The following MAX variants were observed in gnomAD, a reference collection of about 807,000 sequenced individuals.
The protein encoded by MAX is protein max.
MAX carries 3 observed loss-of-function variants against 22.3 expected under a neutral mutation model. The observed-to-expected ratio is 0.13, with a 90% CI of 0.06 to 0.35. MAX has a LOEUF of 0.35. Among genes scored for constraint, MAX ranks in the 10% least tolerant of loss-of-function variants. The pLI is 1.00. For missense variants in MAX, 119 were observed against 209.4 expected (o/e 0.57, Z 2.66); for synonymous variants, 72 against 77.7 (o/e 0.93, Z 0.39).
chr14:65,034,507 G>A (rs1850917399), intron 3 of MAX, among the ~76,000 whole-genome samples: 1 of 152,180 alleles, frequency 6.6e-6, no homozygotes, highest in Admixed American at 6.5e-5. Flanking sequence ...TGTAAGCATT[G>A]CTTCATTATC....
At position 65,077,297 on chromosome 14, in the gene MAX, T is replaced by A. The variant is rs755827986; in HGVS notation, c.295+616A>T. 16 of 1,309,704 alleles carry A rather than the reference T, an allele frequency of 1.2e-5. No individual in the cohort carries two copies. Among genetic ancestry groups the A allele is most frequent in the African/African-American group, 4.4e-5 (3 of 68,006 alleles). 81.1% of individuals were successfully genotyped at this position (1,309,704 alleles called of 1,614,324 possible). On this transcript the variant is annotated intron_variant, in intron 4 of 4. Transcript: ENST00000358664. The surrounding 1 kb of genome is among the most constrained non-coding windows in gnomAD (Gnocchi z 6.3). ...CTGGAAGGTCAACCCATTTAATTTA[T>A]TTTATTTTATTTTATTTGAGGTTTT...
chr14:65,083,472 T>C (rs1193773337), intron 3 of MAX, among the ~76,000 whole-genome samples: 2 of 152,196 alleles, frequency 1.3e-5, no homozygotes, highest in Non-Finnish European at 2.9e-5. Flanking sequence ...TCACAGTAAC[T>C]TGGATTTCTG....
chr14:65,028,813 G>GT lies in MAX; in HGVS notation c.172-22530dup, dbSNP rs1243637195. Among the ~76,000 whole-genome samples the GT allele has an allele frequency of 6.6e-6, 1 of 152,128 alleles. No individual in the cohort carries two copies. Among genetic ancestry groups the GT allele is most frequent in the African/African-American group, 2.4e-5 (1 of 41,422 alleles). The stretch of plus-strand genomic sequence containing the variant: ...TCTTCTTAAGGAAAATGTTAAAAGA[G>GT]TTTTTTTCCCTCGTGTTCACTACAT... On this transcript the variant is annotated intron_variant, in intron 3 of 3. Coordinates refer to the MAX transcript ENST00000341653. The surrounding 1 kb of genome is among the most constrained non-coding windows in gnomAD (Gnocchi z 4.4).
intron 3 of MAX, among the ~76,000 whole-genome samples, chr14:65,068,983 A>C (rs1214269287): frequency 6.6e-6 from 1 of 152,164 alleles, no homozygotes; most frequent in Admixed American, 6.5e-5. Context: ...CAGCTCTGTC[A>C]AGGGAGAAGG....
rs899350463 is a variant in MAX, at chr14:65,008,068, A to G, written c.172-1784T>C. Among the ~76,000 whole-genome samples, 6 of 152,348 alleles carry G rather than the reference A, an allele frequency of 3.9e-5. No individual in the cohort carries two copies. The South Asian group carries it at 8.3e-4, about 21-fold the overall frequency. On this transcript the variant is annotated intron_variant, in intron 3 of 3. Transcript: ENST00000341653. Reference sequence around the variant, plus strand: ...AGAATTTCCCAGATCCTGAGCAGGTAGAGGATGTATTCCCTTCTTACTGTT... The same window carrying G: ...AGAATTTCCCAGATCCTGAGCAGGTGGAGGATGTATTCCCTTCTTACTGTT...
At chr14:65,055,038 C>T (rs2062699937) in intron 3 of MAX, among the ~76,000 whole-genome samples, 1 of 152,242 alleles carries the variant, frequency 6.6e-6, no homozygotes, top group Admixed American at 6.5e-5. Flanking sequence ...GATAGCACTG[C>T]AGCCATGCGG....
intron 2 of MAX, among the ~76,000 whole-genome samples, chr14:65,100,364 C>T (rs913625830): frequency 1.3e-5 from 2 of 152,156 alleles, no homozygotes; most frequent in Middle Eastern, 3.2e-3. Flanking sequence ...GCAAGAGAAT[C>T]GCTTGAACCC....
chr14:65,084,928 A>T lies in MAX; in HGVS notation c.172-6892T>A, dbSNP rs1458322947. 6.6e-6 allele frequency among the ~76,000 whole-genome samples: 1 copy of T among 151,834 alleles called. No individual in the cohort carries two copies. The highest frequency in any genetic ancestry group is 1.5e-5 in the Non-Finnish European group (1 of 68,006). Reference sequence around the variant, plus strand: ...AAAAAGGAGGCAGGTTTCTTTTCACATCCACTTTAAGATGATGTCTAATTT... The same window carrying T: ...AAAAAGGAGGCAGGTTTCTTTTCACTTCCACTTTAAGATGATGTCTAATTT... On this transcript the variant is annotated intron_variant, in intron 3 of 4. Coordinates refer to ENST00000358664, the MANE Select transcript of MAX (RefSeq NM_002382.5). The surrounding 1 kb of genome is among the most constrained non-coding windows in gnomAD (Gnocchi z 4.3).
chr14:65,031,876 A>G lies in MAX; in HGVS notation c.172-25592T>C, dbSNP rs2062091822. Among the ~76,000 whole-genome samples, 1 of 152,228 alleles carries G rather than the reference A, an allele frequency of 6.6e-6. No individual in the cohort carries two copies. Among genetic ancestry groups the G allele is most frequent in the South Asian group, 2.1e-4 (1 of 4,814 alleles). On this transcript the variant is annotated intron_variant, in intron 3 of 3. Coordinates refer to the MAX transcript ENST00000341653. This position sits in a 1 kb window ranked among gnomAD's most constrained non-coding sequence, Gnocchi z 4.6. ...GCGGAGGTTGCAGTGAGCTGAGATCATACCACTGCACTCTAGCCTGGGCGA... is the reference window on the plus strand; with the variant it reads ...GCGGAGGTTGCAGTGAGCTGAGATCGTACCACTGCACTCTAGCCTGGGCGA...
At chr14:65,074,477 A>G (rs1011148868), downstream of MAX, among the ~76,000 whole-genome samples, 3 of 152,200 alleles carry the variant, frequency 2.0e-5, no homozygotes, top group African/African-American at 4.8e-5. Context: ...CCACCACTCT[A>G]AAGATGGTGA....
intron 3 of MAX, among the ~76,000 whole-genome samples, chr14:65,089,312 A>T (rs1263384161): frequency 6.6e-6 from 1 of 152,116 alleles, no homozygotes; most frequent in Non-Finnish European, 1.5e-5. Context: ...CTCACCTCAA[A>T]ATCAAGAAAT....
intron 3 of MAX, chr14:65,061,311 AGAG>A (rs1396998144): frequency 6.2e-7 from 1 of 1,613,748 alleles, no homozygotes; most frequent in Non-Finnish European, 8.5e-7. Flanking sequence ...GCAACCGACT[AGAG>A]GACCTGGGTC....
Position 65,022,132 on chromosome 14 carries a change from C to T in MAX, c.172-15848G>A, listed in dbSNP as rs945353834. 1.4e-4 allele frequency: 64 copies of T among 453,404 alleles called. 1 individual carries two copies. The Admixed American group carries it at 1.5e-3, about 11-fold the overall frequency. 28.1% of individuals were successfully genotyped at this position (453,404 alleles called of 1,614,324 possible). ...ATATTCTACCTAGGGAAGGAGATTT[C>T]CTCTTCACTATATCAAGCTGAAGCT... On this transcript the variant is annotated intron_variant, in intron 3 of 3. Coordinates refer to the MAX transcript ENST00000341653.
intron 3 of MAX, among the ~76,000 whole-genome samples, chr14:65,053,506 G>A (rs1175003983): frequency 1.3e-5 from 2 of 152,042 alleles, no homozygotes; most frequent in Non-Finnish European, 2.9e-5. Context: ...CCAGTTGGGA[G>A]CACCCCTTGA....
In MAX at chr14:65,054,522, G is replaced by A; in HGVS notation, c.171+39186C>T. On this transcript the variant is annotated intron_variant, in intron 3 of 3. Coordinates refer to the MAX transcript ENST00000341653. This position sits in a 1 kb window ranked among gnomAD's most constrained non-coding sequence, Gnocchi z 4.4. ...TCTCTGAATTGGTGTGGCTACATTT[G>A]TAGATGTGTGCGGAGCAGAGGAGCG... 2 of 1,551,460 alleles carry A rather than the reference G, an allele frequency of 1.3e-6. No individual in the cohort carries two copies. Among genetic ancestry groups the A allele is most frequent in the South Asian group, 2.3e-5 (2 of 85,638 alleles).
Position 65,075,846 on chromosome 14 carries a change from T to C in MAX, c.*630A>G. On this transcript the variant is annotated 3_prime_UTR_variant, in exon 5 of 5. Transcript: ENST00000358664. This position sits in a 1 kb window ranked among gnomAD's most constrained non-coding sequence, Gnocchi z 4.1. The stretch of plus-strand genomic sequence containing the variant: ...AACAGCTGGCTGAGAGAAGCAGGAG[T>C]GAAACATGCCAGCGACTCTGTGCTG... 6 of 1,066,374 alleles carry C rather than the reference T, an allele frequency of 5.6e-6. No homozygotes were observed. The highest frequency in any genetic ancestry group is 5.7e-6 in the Non-Finnish European group (5 of 880,186). The allele number at this position is 1,066,374 out of a possible 1,614,324, so 66.1% of individuals were successfully genotyped here. A position where few individuals can be genotyped will look rare whatever the true frequency, so the allele number is the denominator to read the frequency against.
Position 65,031,310 on chromosome 14 carries a change from A to G in MAX, c.172-25026T>C, listed in dbSNP as rs533668777. ...AGAATGATCCTAAATCAAGTATAAT[A>G]ATTTTTTGTGTTTGTTTTTTTTTTT... On this transcript the variant is annotated intron_variant, in intron 3 of 3. Coordinates refer to the MAX transcript ENST00000341653. This position sits in a 1 kb window ranked among gnomAD's most constrained non-coding sequence, Gnocchi z 4.6. Among the ~76,000 whole-genome samples, 1 of 151,518 alleles carries G rather than the reference A, an allele frequency of 6.6e-6. No homozygotes were observed. Among genetic ancestry groups the G allele is most frequent in the East Asian group, 2.0e-4 (1 of 5,098 alleles).
chr14:65,046,117 T>C (rs955954427), intron 3 of MAX, among the ~76,000 whole-genome samples: 4 of 152,110 alleles, frequency 2.6e-5, no homozygotes, highest in African/African-American at 7.2e-5. Flanking sequence ...GCTGGGATTA[T>C]AGGCATGCAC....
chr14:65,037,415 T>C (rs1274905315), intron 3 of MAX, among the ~76,000 whole-genome samples: 5 of 92,018 alleles, frequency 5.4e-5, no homozygotes, highest in Admixed American at 2.6e-4. Flanking sequence ...TTTTTTTTTT[T>C]TTTTTTTTTT....
Sources: allele counts gnomAD v4.1 joint callset (sites outside exome capture counted in the v4.1 genomes callset), GRCh38; gene constraint gnomAD v4.1.1; non-coding constraint Gnocchi (gnomAD v3.1); transcripts MANE v1.5; gene names NCBI Gene and HGNC (gene_info 2026-07-23, HGNC 2026-07-21).